The following SAMD3 variants were observed in gnomAD, a reference collection of about 807,000 sequenced individuals.
SAMD3 encodes the protein sterile alpha motif domain-containing protein 3.
SAMD3 carries 63 observed loss-of-function variants against 58.5 expected under a neutral mutation model. That is an observed-to-expected ratio of 1.08 (90% confidence interval 0.88 to 1.33). The LOEUF is 1.33. Among genes scored for constraint, SAMD3 ranks in the 40% most tolerant of loss-of-function variants. The pLI is 0.00. For synonymous variants in SAMD3, 220 were observed against 210.3 expected, an observed-to-expected ratio of 1.05 and a Z score of -0.40; for missense variants, 604 against 608.4, an observed-to-expected ratio of 0.99 and a Z score of 0.08.
At chr6:130,263,905 C>T (rs1774236153) in intron 2 of SAMD3, among the ~76,000 whole-genome samples, 1 of 152,074 alleles carries the variant, frequency 6.6e-6, no homozygotes, top group Admixed American at 6.6e-5. Context: ...TTCTGTGGAC[C>T]ACTAAAGAGC....
intron 2 of SAMD3, among the ~76,000 whole-genome samples, chr6:130,291,939 T>C (rs1324221439): frequency 6.6e-6 from 1 of 152,222 alleles, no homozygotes; most frequent in African/African-American, 2.4e-5. Context: ...AAAAATAATT[T>C]AGCTTAGAAA....
chr6:130,294,196 T>A (rs1322641304), intron 2 of SAMD3, among the ~76,000 whole-genome samples: 2 of 152,210 alleles, frequency 1.3e-5, no homozygotes, highest in Non-Finnish European at 2.9e-5. Flanking sequence ...ACAGGATAAC[T>A]ATTTTTCTTC....
At chr6:130,267,754 GTCTGTTCTGT>G (rs1439549161) in intron 2 of SAMD3, among the ~76,000 whole-genome samples, 2 of 152,098 alleles carry the variant, frequency 1.3e-5, no homozygotes, top group African/African-American at 4.8e-5. Context: ...AAACTTCCTG[GTCTGTTCTGT>G]TTCACTCTGA....
intron 5 of SAMD3, among the ~76,000 whole-genome samples, chr6:130,202,329 T>G (rs1169380621): frequency 6.6e-6 from 1 of 152,208 alleles, no homozygotes; most frequent in Non-Finnish European, 1.5e-5. Context: ...GTATCCCCGC[T>G]CCTGCTTTTT....
intron 2 of SAMD3, among the ~76,000 whole-genome samples, chr6:130,308,375 A>ATTCTATTCTATTCTATTCT (rs1775994422): frequency 1.7e-4 from 21 of 122,186 alleles, no homozygotes; most frequent in African/African-American, 4.1e-4. Context: ...ATTCTATTCT[A>ATTCTATTCTATTCTATTCT]TTCTATTCTA....
intron 8 of SAMD3, among the ~76,000 whole-genome samples, chr6:130,155,978 G>A (rs114621523): frequency 3.9e-5 from 6 of 152,254 alleles, no homozygotes; most frequent in African/African-American, 1.4e-4. Flanking sequence ...AGACTTGAGG[G>A]TTTTACAGAC....
intron 7 of SAMD3, chr6:130,183,138 TG>T (rs776357360): frequency 3.1e-6 from 1 of 319,540 alleles, no homozygotes; most frequent in Non-Finnish European, 6.1e-6. Context: ...TCAGCGGCAG[TG>T]GTTCTCAGCC....
intron 2 of SAMD3, among the ~76,000 whole-genome samples, chr6:130,309,025 A>T (rs76489599): frequency 0.013 from 2,050 of 152,236 alleles, 48 homozygotes; most frequent in African/African-American, 0.044. Flanking sequence ...CTCATATTTG[A>T]TCTCTGATAA....
At chr6:130,358,734 C>G (rs1777904453) in intron 1 of SAMD3, among the ~76,000 whole-genome samples, 1 of 142,270 alleles carries the variant, frequency 7.0e-6, no homozygotes, top group Non-Finnish European at 1.5e-5. Flanking sequence ...CTTACACACA[C>G]ACACACACAC....
At chr6:130,206,974 T>C (rs1452183640) in intron 5 of SAMD3, among the ~76,000 whole-genome samples, 1 of 151,822 alleles carries the variant, frequency 6.6e-6, no homozygotes, top group East Asian at 1.9e-4. Context: ...CACAACTAGA[T>C]CTCATTTCTA....
chr6:130,151,070 G>T (rs1789124832), intron 9 of SAMD3, among the ~76,000 whole-genome samples: 1 of 152,090 alleles, frequency 6.6e-6, no homozygotes, highest in Admixed American at 6.5e-5. Context: ...ATCCCCAGGG[G>T]ATCCGTGTGT....
At chr6:130,225,978 T>A (rs538986014), upstream of SAMD3, among the ~76,000 whole-genome samples, 153 of 152,362 alleles carry the variant, frequency 1.0e-3, 2 homozygotes, top group African/African-American at 3.6e-3. Flanking sequence ...CTTATCTAAT[T>A]GATGTGATCA....
At chr6:130,346,572 A>G (rs1337227811) in intron 1 of SAMD3, among the ~76,000 whole-genome samples, 3 of 152,206 alleles carry the variant, frequency 2.0e-5, no homozygotes, top group Admixed American at 2.0e-4. Context: ...AGGTAAACAA[A>G]GTGGCTGGGA....
rs79212912 is a variant in SAMD3, at chr6:130,155,047, T to C, written c.823-22A>G. The C allele has an allele frequency of 3.4e-4, 539 of 1,589,118 alleles. 3 individuals are homozygous for C. In the African/African-American group the frequency reaches 6.5e-3, roughly 19 times the overall value. ...CTTCCTGCAAAACATTTTCAACATATCAATGGATTCCATGTTTCTATAAAA... is the reference window on the plus strand; with the variant it reads ...CTTCCTGCAAAACATTTTCAACATACCAATGGATTCCATGTTTCTATAAAA... On this transcript the variant is annotated intron_variant, in intron 8 of 11. Coordinates refer to ENST00000439090, the MANE Select transcript of SAMD3 (RefSeq NM_001017373.4).
At chr6:130,270,042 A>T (rs1774504514) in intron 2 of SAMD3, among the ~76,000 whole-genome samples, 1 of 152,064 alleles carries the variant, frequency 6.6e-6, no homozygotes, top group Admixed American at 6.6e-5. Flanking sequence ...ACTCTGCATG[A>T]TTTCAACCCT....
At chr6:130,242,295 A>G (rs977468143) in intron 2 of SAMD3, among the ~76,000 whole-genome samples, 2 of 152,240 alleles carry the variant, frequency 1.3e-5, no homozygotes, top group Non-Finnish European at 2.9e-5. Flanking sequence ...CTATTGTAGT[A>G]CAAACACTGT....
intron 8 of SAMD3, among the ~76,000 whole-genome samples, chr6:130,158,931 G>A (rs1233681545): frequency 6.6e-6 from 1 of 152,168 alleles, no homozygotes; most frequent in Admixed American, 6.5e-5. Flanking sequence ...CTATGCAAAT[G>A]TCTGATTGGT....
At chr6:130,183,375 C>T in intron 7 of SAMD3, 1 of 453,590 alleles carries the variant, frequency 2.2e-6, no homozygotes, top group Non-Finnish European at 4.4e-6. Flanking sequence ...AGAACTGCTG[C>T]CCCAGAGCAT....
chr6:130,211,704 A>G (rs1795586676), intron 4 of SAMD3, among the ~76,000 whole-genome samples: 2 of 152,064 alleles, frequency 1.3e-5, no homozygotes, highest in African/African-American at 4.8e-5. Context: ...TCTCCGTAAA[A>G]TGTATAAAAG....
Sources: gnomAD v4.1 joint callset for allele counts (sites outside exome capture counted in the v4.1 genomes callset) on GRCh38, gnomAD v4.1.1 for gene constraint, MANE v1.5 for transcripts, NCBI Gene and HGNC (gene_info 2026-07-23, HGNC 2026-07-21) for gene names.